SPSB1: variants seen among roughly 807,000 people sequenced by gnomAD.
The protein encoded by SPSB1 is SPRY domain-containing SOCS box protein 1.
Under a neutral mutation model 21.2 loss-of-function variants are expected in SPSB1, and 8 were observed. The ratio of observed to expected loss-of-function variants is 0.38; its 90% CI spans 0.22 to 0.68. The LOEUF is 0.68. Ranked by LOEUF, SPSB1 falls within the 30% of genes least tolerant of loss-of-function variation. SPSB1 has a pLI of 0.53. For synonymous variants in SPSB1, 169 were observed against 161.7 expected (o/e 1.05, Z -0.34); for missense variants, 242 against 377.8 (o/e 0.64, Z 2.98).
chr1:9,355,498 A>G (rs1243073858), intron 1 of SPSB1, among the ~76,000 whole-genome samples: 2 of 152,220 alleles, frequency 1.3e-5, no homozygotes, highest in African/African-American at 4.8e-5. Flanking sequence ...GGTGATGCCC[A>G]TCCCCCAAGC....
intron 1 of SPSB1, among the ~76,000 whole-genome samples, chr1:9,352,649 C>T (rs1018537830): frequency 6.6e-6 from 1 of 152,076 alleles, no homozygotes; most frequent in Non-Finnish European, 1.5e-5. Flanking sequence ...CTCCTCCTCC[C>T]TCCTCTGCCT....
At chr1:9,338,436 T>G (rs947021967) in intron 1 of SPSB1, among the ~76,000 whole-genome samples, 1 of 152,160 alleles carries the variant, frequency 6.6e-6, no homozygotes, top group Non-Finnish European at 1.5e-5. Context: ...ACAGCACTTG[T>G]GGGGGTCAGT....
rs116730116 is a variant in SPSB1, at chr1:9,317,995, A to G, written c.-150+24924A>G. Among the ~76,000 whole-genome samples, 1,418 of 152,244 alleles carry G rather than the reference A, an allele frequency of 9.3e-3. 23 individuals are homozygous for G. Among genetic ancestry groups the G allele is most frequent in the African/African-American group, 0.031 (1,303 of 41,552 alleles). ...TGTGGAACCAGAGGAAGCTGGGTGG[A>G]CAGTCGCAGGTTTGGTGACGTGCCA... is the stretch of plus-strand genomic sequence containing the variant. On this transcript the variant is annotated intron_variant, in intron 1 of 2. Coordinates refer to ENST00000328089, the MANE Select transcript of SPSB1 (RefSeq NM_025106.4). This position sits in a 1 kb window ranked among gnomAD's most constrained non-coding sequence, Gnocchi z 4.3.
chr1:9,326,514 C>T (rs1425837264), intron 1 of SPSB1, among the ~76,000 whole-genome samples: 1 of 152,210 alleles, frequency 6.6e-6, no homozygotes, highest in Non-Finnish European at 1.5e-5. Flanking sequence ...TCACTGTCTG[C>T]ATGTGGCTGA....
intron 2 of SPSB1, among the ~76,000 whole-genome samples, chr1:9,360,100 C>G (rs1022598452): frequency 6.6e-6 from 1 of 152,126 alleles, no homozygotes; most frequent in African/African-American, 2.4e-5. Context: ...GGGGAGTTGT[C>G]TGCACATAGG....
At chr1:9,365,006 C>T (rs149818899) in intron 2 of SPSB1, among the ~76,000 whole-genome samples, 2,181 of 152,262 alleles carry the variant, frequency 0.014, 33 homozygotes, top group Non-Finnish European at 0.024. Flanking sequence ...CCCATGCCAC[C>T]ATGCCTGGCT....
chr1:9,320,538 C>T (rs958036395), intron 1 of SPSB1, among the ~76,000 whole-genome samples: 2 of 152,220 alleles, frequency 1.3e-5, no homozygotes, highest in African/African-American at 2.4e-5. Flanking sequence ...TGTATAGTGG[C>T]CTCGCTCCGT....
chr1:9,363,114 C>T lies in SPSB1; in HGVS notation c.695-4334C>T, dbSNP rs143527887. On this transcript the variant is annotated intron_variant, in intron 2 of 2. Coordinates refer to ENST00000328089, the MANE Select transcript of SPSB1 (RefSeq NM_025106.4). The surrounding 1 kb of genome is among the most constrained non-coding windows in gnomAD (Gnocchi z 4.5). ...GAAATGGGGGCTGGGCATTTTTTCA[C>T]GGCACGAAGCCCACGTCTGTTTCTG... is the stretch of plus-strand genomic sequence containing the variant. Among the ~76,000 whole-genome samples the T allele has an allele frequency of 6.6e-5, 10 of 152,312 alleles. No individual in the cohort carries two copies. Among genetic ancestry groups the T allele is most frequent in the Admixed American group, 2.0e-4 (3 of 15,296 alleles).
chr1:9,350,804 AC>A (rs1310373650), intron 1 of SPSB1, among the ~76,000 whole-genome samples: 3 of 152,222 alleles, frequency 2.0e-5, no homozygotes, highest in African/African-American at 7.2e-5. Context: ...CTTCTGTGGC[AC>A]TGCTGGGCCC....
At chr1:9,362,783 C>T (rs369374290) in intron 2 of SPSB1, among the ~76,000 whole-genome samples, 12 of 152,364 alleles carry the variant, frequency 7.9e-5, no homozygotes, top group African/African-American at 2.9e-4. Context: ...GAAGCTGGTG[C>T]ACTGTCTCTT....
At chr1:9,343,855 G>A (rs938565185) in intron 1 of SPSB1, among the ~76,000 whole-genome samples, 3 of 151,938 alleles carry the variant, frequency 2.0e-5, no homozygotes, top group African/African-American at 7.3e-5. Context: ...GCGCGATCTC[G>A]GCTCACTGAA....
rs1300922275 is a variant in SPSB1 at position 9,310,766 on chromosome 1, G to A, written c.-150+17695G>A. On this transcript the variant is annotated intron_variant, in intron 1 of 2. Transcript: ENST00000328089. ...ATTCCTCTGCAGATGGGGGTTGGGG[G>A]AGATTCTCAAGTGTTTCTCCTGTCT... Among the ~76,000 whole-genome samples the A allele has an allele frequency of 3.9e-5, 6 of 152,230 alleles. 1 individual carries two copies. The highest frequency in any genetic ancestry group is 3.3e-4 in the Admixed American group (5 of 15,294).
At chr1:9,349,612 C>T (rs999269477) in intron 1 of SPSB1, among the ~76,000 whole-genome samples, 4 of 152,242 alleles carry the variant, frequency 2.6e-5, no homozygotes, top group Non-Finnish European at 4.4e-5. Context: ...AAGCTATCCA[C>T]GGGACATGTC....
Position 9,309,813 on chromosome 1 carries a change from G to A in SPSB1, c.-150+16742G>A, listed in dbSNP as rs145845357. Among the ~76,000 whole-genome samples, 872 of 152,344 alleles carry A rather than the reference G, an allele frequency of 5.7e-3. 3 individuals are homozygous for A. Among genetic ancestry groups the A allele is most frequent in the Non-Finnish European group, 8.5e-3 (580 of 68,038 alleles). On this transcript the variant is annotated intron_variant, in intron 1 of 2. Coordinates refer to ENST00000328089, the MANE Select transcript of SPSB1 (RefSeq NM_025106.4). ...GCCAAGACTGCACCATTGCACTCCAGCCTGGGCAATAGTGTGTGACTTTGT... is the reference window on the plus strand; with the variant it reads ...GCCAAGACTGCACCATTGCACTCCAACCTGGGCAATAGTGTGTGACTTTGT...
rs541342556 is a variant in SPSB1 at position 9,365,564 on chromosome 1, G to A, written c.695-1884G>A. On this transcript the variant is annotated intron_variant, in intron 2 of 2. Coordinates refer to ENST00000328089, the MANE Select transcript of SPSB1 (RefSeq NM_025106.4). ...AGTATCCAATTCAGTGGCCTCTTGC[G>A]TGGTGAGATGTAGGAAACAATTTTA... Among the ~76,000 whole-genome samples the A allele has an allele frequency of 1.4e-3, 209 of 145,952 alleles. 1 individual carries two copies. Among genetic ancestry groups the A allele is most frequent in the African/African-American group, 4.9e-3 (194 of 39,710 alleles).
chr1:9,312,828 G>A (rs1434635796), intron 1 of SPSB1, among the ~76,000 whole-genome samples: 1 of 152,200 alleles, frequency 6.6e-6, no homozygotes, highest in Non-Finnish European at 1.5e-5. Flanking sequence ...AAGGCTACTT[G>A]GTTGGCATTT....
At position 9,317,837 on chromosome 1, in the gene SPSB1, AT is replaced by A. The variant is rs34392416; in HGVS notation, c.-150+24785del. ...GTGATTTCCGGTGGCGAGGGAACCA[AT>A]TTTTTTTTTTTTTTTTTTGAGACCC... On this transcript the variant is annotated intron_variant, in intron 1 of 2. Coordinates refer to ENST00000328089, the MANE Select transcript of SPSB1 (RefSeq NM_025106.4). This position sits in a 1 kb window ranked among gnomAD's most constrained non-coding sequence, Gnocchi z 4.3. Among the ~76,000 whole-genome samples the A allele has an allele frequency of 5.1e-3, 685 of 134,670 alleles. 7 individuals carry two copies. Among genetic ancestry groups the A allele is most frequent in the Admixed American group, 0.026 (344 of 13,486 alleles). The allele number at this position is 134,670 out of a possible 152,430, so 88.3% of individuals were successfully genotyped here.
intron 2 of SPSB1, among the ~76,000 whole-genome samples, chr1:9,360,678 G>A (rs1236078847): frequency 6.6e-6 from 1 of 152,216 alleles, no homozygotes; most frequent in Non-Finnish European, 1.5e-5. Flanking sequence ...ACCTGTGTAT[G>A]TGTCTCTCCG....
intron 1 of SPSB1, among the ~76,000 whole-genome samples, chr1:9,309,956 G>C (rs1569575855): frequency 6.6e-6 from 1 of 152,198 alleles, no homozygotes; most frequent in Non-Finnish European, 1.5e-5. Flanking sequence ...TGTGCCTGGA[G>C]CTCTTATCTG....
Sources: allele counts gnomAD v4.1 joint callset (sites outside exome capture counted in the v4.1 genomes callset), GRCh38; gene constraint gnomAD v4.1.1; non-coding constraint Gnocchi (gnomAD v3.1); transcripts MANE v1.5; gene names NCBI Gene and HGNC (gene_info 2026-07-23, HGNC 2026-07-21).